NTM: variants seen among roughly 807,000 people sequenced by gnomAD.
NTM encodes the protein IgLON family member 2.
NTM carries 13 observed loss-of-function variants against 42.1 expected under a neutral mutation model. That is an observed-to-expected ratio of 0.31 (90% confidence interval 0.20 to 0.49). The LOEUF (loss-of-function observed/expected upper bound fraction) is 0.49, where lower values mean the gene tolerates loss of function less well. Among genes scored for constraint, NTM ranks in the 20% least tolerant of loss-of-function variants. NTM has a pLI of 0.99. For synonymous variants in NTM, 187 were observed against 179.2 expected, an observed-to-expected ratio of 1.04 and a Z score of -0.35; for missense variants, 373 against 452.8, an observed-to-expected ratio of 0.82 and a Z score of 1.60.
chr11:131,547,543 CTTCTT>C (rs1330706165), intron 1 of NTM, among the ~76,000 whole-genome samples: 48 of 152,218 alleles, frequency 3.2e-4, no homozygotes, highest in Non-Finnish European at 6.6e-4. Context: ...AAGTCCTGCT[CTTCTT>C]AGAGTCCTTG....
At chr11:131,863,065 G>A (rs1313880585) in intron 1 of NTM, among the ~76,000 whole-genome samples, 3 of 152,166 alleles carry the variant, frequency 2.0e-5, no homozygotes, top group Admixed American at 6.5e-5. Flanking sequence ...GTTCTTTCAT[G>A]GTACCATATT....
intron 1 of NTM, among the ~76,000 whole-genome samples, chr11:131,836,247 T>C (rs1323322961): frequency 1.3e-5 from 2 of 152,226 alleles, no homozygotes; most frequent in Non-Finnish European, 2.9e-5. Flanking sequence ...ACCTTATATT[T>C]CCTGCTTATC....
At chr11:131,464,410 T>G (rs369990032) in intron 1 of NTM, among the ~76,000 whole-genome samples, 2 of 152,176 alleles carry the variant, frequency 1.3e-5, no homozygotes, top group East Asian at 1.9e-4. Context: ...CATTCATGAC[T>G]GAACCGCTCT....
At chr11:132,260,055 G>A (rs181850093) in intron 4 of NTM, among the ~76,000 whole-genome samples, 306 of 152,242 alleles carry the variant, frequency 2.0e-3, no homozygotes, top group African/African-American at 7.1e-3. Context: ...ATGTACCTTA[G>A]GAAAACATGG....
chr11:131,827,055 A>G (rs1401427355), intron 1 of NTM, among the ~76,000 whole-genome samples: 1 of 152,124 alleles, frequency 6.6e-6, no homozygotes, highest in Non-Finnish European at 1.5e-5. Context: ...TATTCATTCA[A>G]CAAACCTTTT....
chr11:132,220,552 C>A (rs189832730), intron 4 of NTM, among the ~76,000 whole-genome samples: 193 of 152,254 alleles, frequency 1.3e-3, no homozygotes, highest in Non-Finnish European at 2.3e-3. Context: ...GAATTGAGAA[C>A]ATATGAAATC....
chr11:132,021,113 T>C (rs1480057428), intron 2 of NTM, among the ~76,000 whole-genome samples: 3 of 152,136 alleles, frequency 2.0e-5, no homozygotes, highest in Admixed American at 1.3e-4. Context: ...TGGATTTATT[T>C]CTACATTCAT....
chr11:132,139,142 C>T (rs374597601), intron 2 of NTM, among the ~76,000 whole-genome samples: 1 of 152,130 alleles, frequency 6.6e-6, no homozygotes, highest in Non-Finnish European at 1.5e-5. Context: ...CTGTTTTGAA[C>T]ATGCTAGGGA....
chr11:131,422,898 G>T (rs367652858), intron 1 of NTM, among the ~76,000 whole-genome samples: 2 of 152,282 alleles, frequency 1.3e-5, no homozygotes, highest in East Asian at 3.9e-4. Context: ...ATATCTTCCT[G>T]CTCTTGTTTC....
At chr11:131,550,838 T>TA (rs887813990) in intron 1 of NTM, among the ~76,000 whole-genome samples, 10 of 152,028 alleles carry the variant, frequency 6.6e-5, no homozygotes, top group African/African-American at 1.7e-4. Context: ...CCTGTCTATT[T>TA]AAAAAAATAC....
intron 1 of NTM, among the ~76,000 whole-genome samples, chr11:131,839,224 A>G (rs1162526638): frequency 3.9e-5 from 6 of 152,176 alleles, no homozygotes; most frequent in Non-Finnish European, 7.3e-5. Context: ...GGCCTCCCAA[A>G]GTGCCGGAAT....
At chr11:132,275,487 C>G (rs1565361824) in intron 4 of NTM, among the ~76,000 whole-genome samples, 1 of 151,494 alleles carries the variant, frequency 6.6e-6, no homozygotes, top group Non-Finnish European at 1.5e-5. Flanking sequence ...AATTTGATTT[C>G]TCTTTTTTTT....
chr11:131,605,894 T>C, intron 1 of NTM: 1 of 982,426 alleles, frequency 1.0e-6, no homozygotes, highest in Non-Finnish European at 1.2e-6. Context: ...ACTCTATTAA[T>C]CATTGTTTCA....
At chr11:131,969,428 T>A (rs2063246237) in intron 2 of NTM, among the ~76,000 whole-genome samples, 2 of 152,196 alleles carry the variant, frequency 1.3e-5, no homozygotes, top group Non-Finnish European at 2.9e-5. Flanking sequence ...CTTGTTCATG[T>A]TTTTCTGCAA....
At chr11:132,320,620 G>T (rs891459786) in intron 7 of NTM, among the ~76,000 whole-genome samples, 9 of 152,322 alleles carry the variant, frequency 5.9e-5, no homozygotes, top group African/African-American at 1.9e-4. Context: ...CCATTGCCCA[G>T]GCTTGCTTAG....
At chr11:132,104,095 T>G (rs1042263445) in intron 2 of NTM, among the ~76,000 whole-genome samples, 7 of 152,194 alleles carry the variant, frequency 4.6e-5, no homozygotes, top group African/African-American at 1.7e-4. Flanking sequence ...TGTTGTTCTA[T>G]TCCCAGTTGT....
chr11:132,154,504 T>C (rs1182280335), intron 3 of NTM, among the ~76,000 whole-genome samples: 1 of 152,240 alleles, frequency 6.6e-6, no homozygotes, highest in Non-Finnish European at 1.5e-5. Context: ...ATAATGATTC[T>C]TCTTCCATAG....
intron 1 of NTM, among the ~76,000 whole-genome samples, chr11:131,674,424 T>C (rs2070996234): frequency 6.6e-6 from 1 of 152,260 alleles, no homozygotes; most frequent in Non-Finnish European, 1.5e-5. Context: ...TTAGTGTGTC[T>C]TGGCTTGTCG....
At chr11:132,167,089 G>T (rs1236557511) in intron 3 of NTM, among the ~76,000 whole-genome samples, 4 of 151,874 alleles carry the variant, frequency 2.6e-5, no homozygotes, top group African/African-American at 9.7e-5. Flanking sequence ...ATTTTACTCT[G>T]TTCTATCTTA....
Sources: gnomAD v4.1 joint callset for allele counts (sites outside exome capture counted in the v4.1 genomes callset) on GRCh38, gnomAD v4.1.1 for gene constraint, MANE v1.5 for transcripts, NCBI Gene and HGNC (gene_info 2026-07-23, HGNC 2026-07-21) for gene names.